TOGARAM1: variants seen among roughly 807,000 people sequenced by gnomAD.
TOGARAM1 encodes TOG array regulator of axonemal microtubules 1.
A neutral mutation model predicts 166.6 loss-of-function variants in TOGARAM1; 100 were observed. The observed-to-expected ratio is 0.60, with a 90% CI of 0.51 to 0.71. The LOEUF is 0.71. Ranked by LOEUF, TOGARAM1 falls within the 30% of genes least tolerant of loss-of-function variation. TOGARAM1 has a pLI of 0.00. For missense variants in TOGARAM1, 2,029 were observed against 2,102.7 expected (o/e 0.96, Z 0.69); for synonymous variants, 758 against 763.8 (o/e 0.99, Z 0.13).
At position 44,963,978 on chromosome 14, in the gene TOGARAM1, T is replaced by C; in HGVS notation, c.1557T>C (p.Leu519=). The C allele has an allele frequency of 6.2e-7, 1 of 1,614,174 alleles. No individual in the cohort carries two copies. The highest frequency in any genetic ancestry group is 8.5e-7 in the Non-Finnish European group (1 of 1,180,032). Residue 519 remains leucine (L), a synonymous_variant, in exon 1 of 20, where the codon CTT becomes CTC. Coordinates refer to ENST00000361462, the MANE Select transcript of TOGARAM1 (RefSeq NM_001308120.2). ...PKLSFDLAPA[L]VDSKRRVRQA... is the part of the protein sequence containing the mutation. ...TGTCCTTTGATCTTGCCCCAGCTCTTGTAGATAGCAAACGCAGGGTACGCC... is the reference window on the plus strand; with the variant it reads ...TGTCCTTTGATCTTGCCCCAGCTCTCGTAGATAGCAAACGCAGGGTACGCC...
At chr14:45,010,159 G>A (rs1026198939) in intron 6 of TOGARAM1, among the ~76,000 whole-genome samples, 1 of 151,482 alleles carries the variant, frequency 6.6e-6, no homozygotes, top group Non-Finnish European at 1.5e-5. Flanking sequence ...CATAATCAAA[G>A]GAGAGGTAGT....
At chr14:45,018,700 A>AGT (rs1233930094) in intron 7 of TOGARAM1, among the ~76,000 whole-genome samples, 1 of 152,236 alleles carries the variant, frequency 6.6e-6, no homozygotes, top group African/African-American at 2.4e-5. Context: ...AATATAGTTT[A>AGT]GTACTGTTCT....
At chr14:44,969,754 T>G (rs992010096) in intron 1 of TOGARAM1, among the ~76,000 whole-genome samples, 5 of 151,990 alleles carry the variant, frequency 3.3e-5, no homozygotes, top group Non-Finnish European at 1.5e-5. Context: ...CTAGATTCAT[T>G]TTTTTTTACA....
rs192672712 is a variant in TOGARAM1 at position 44,972,910 on chromosome 14, G to T, written c.2046+8443G>T. ...TTGTTCAACATCATTTTGCTATAAT[G>T]TTGATGAGGAAAAAAATTGGTTTTG... On this transcript the variant is annotated intron_variant, in intron 1 of 19. Transcript: ENST00000361462. 5.6e-3 allele frequency among the ~76,000 whole-genome samples: 846 copies of T among 152,196 alleles called. 7 individuals are homozygous for T. Among genetic ancestry groups the T allele is most frequent in the African/African-American group, 0.019 (809 of 41,550 alleles).
At chr14:45,061,746 A>G (rs1296083243) in intron 16 of TOGARAM1, among the ~76,000 whole-genome samples, 2 of 152,096 alleles carry the variant, frequency 1.3e-5, no homozygotes, top group Non-Finnish European at 2.9e-5. Flanking sequence ...TATTTTTAAT[A>G]TATTACTGGG....
At chr14:44,972,447 T>C (rs947892378) in intron 1 of TOGARAM1, among the ~76,000 whole-genome samples, 4 of 152,180 alleles carry the variant, frequency 2.6e-5, no homozygotes, top group Non-Finnish European at 4.4e-5. Flanking sequence ...CTGCTGGATC[T>C]GTCCATTTCT....
intron 12 of TOGARAM1, 92 bp from the exon 13 acceptor site, chr14:45,044,540 CAAA>C: frequency 1.5e-6 from 1 of 666,052 alleles, no homozygotes; most frequent in Non-Finnish European, 2.3e-6. Flanking sequence ...GACCCTAACT[CAAA>C]AAAAAAAACA....
intron 1 of TOGARAM1, among the ~76,000 whole-genome samples, chr14:44,972,062 C>T (rs1353483198): frequency 6.6e-6 from 1 of 152,044 alleles, no homozygotes; most frequent in Non-Finnish European, 1.5e-5. Flanking sequence ...AACCAGATCT[C>T]TTGATAACTC....
rs1340181938 is a variant in TOGARAM1 at position 45,066,703 on chromosome 14, G to T, written c.4685G>T (p.Gly1562Val). 2 of 1,613,532 alleles carry T rather than the reference G, an allele frequency of 1.2e-6. No individual in the cohort carries two copies. The highest frequency in any genetic ancestry group is 1.7e-6 in the Non-Finnish European group (2 of 1,179,706). ...AAAGACTTTCGTGATCGTATTAATG[G>T]GATTAAGCAGCTTTTATCAGATACA... The part of the protein sequence containing the change: ...NAKDFRDRIN[G>V]IKQLLSDTEN... The change falls in exon 17 of 20, where the codon GGG (glycine) becomes GTG (valine). Residue 1562 changes from glycine (G) to valine (V), a missense_variant. Around this residue, in one of 2 missense-constraint regions of TOGARAM1, gnomAD observed 576 missense variants for 670.5 expected, o/e 0.86. Transcript: ENST00000361462.
chr14:45,019,183 T>C (rs1880338991), intron 7 of TOGARAM1, among the ~76,000 whole-genome samples: 2 of 152,186 alleles, frequency 1.3e-5, no homozygotes, highest in African/African-American at 4.8e-5. Context: ...TTTTGTCTCT[T>C]TACCTTCCAA....
intron 1 of TOGARAM1, among the ~76,000 whole-genome samples, chr14:44,976,968 T>G (rs1886230105): frequency 6.6e-6 from 1 of 152,158 alleles, no homozygotes; most frequent in Non-Finnish European, 1.5e-5. Context: ...CAGAAAGCAA[T>G]AATTTTGCTC....
intron 15 of TOGARAM1, 40 bp from the exon 16 acceptor site, chr14:45,054,391 T>C (rs756863793): frequency 1.5e-6 from 2 of 1,305,132 alleles, no homozygotes; most frequent in Non-Finnish European, 2.1e-6. Flanking sequence ...CACTACTAGT[T>C]TTAAAATTTG....
intron 18 of TOGARAM1, among the ~76,000 whole-genome samples, chr14:45,070,190 G>GA (rs760002779): frequency 1.2e-3 from 177 of 151,460 alleles, no homozygotes; most frequent in Non-Finnish European, 1.8e-3. Context: ...TCAAAAAAAA[G>GA]AAAAAAAAGA....
chr14:45,066,437 G>A, intron 16 of TOGARAM1, 141 bp from the exon 17 acceptor site: 1 of 612,134 alleles, frequency 1.6e-6, no homozygotes. Flanking sequence ...GAGAGATACT[G>A]TGGCTATGGG....
At chr14:44,986,372 C>G (rs1886794371) in intron 1 of TOGARAM1, among the ~76,000 whole-genome samples, 1 of 152,150 alleles carries the variant, frequency 6.6e-6, no homozygotes, top group Non-Finnish European at 1.5e-5. Flanking sequence ...TCACTACAAC[C>G]TCAAACTCCT....
chr14:45,026,464 T>C (rs1880846746), intron 8 of TOGARAM1, among the ~76,000 whole-genome samples: 1 of 152,206 alleles, frequency 6.6e-6, no homozygotes, highest in Admixed American at 6.5e-5. Context: ...ATAGTCTCAT[T>C]AGGTTATTTT....
At chr14:45,059,744 A>G (rs575302941) in intron 16 of TOGARAM1, among the ~76,000 whole-genome samples, 1 of 152,312 alleles carries the variant, frequency 6.6e-6, no homozygotes, top group East Asian at 1.9e-4. Flanking sequence ...ATACATAGGT[A>G]TCTCTCATAT....
At position 44,998,235 on chromosome 14, in the gene TOGARAM1, C is replaced by A. The variant is rs73352208; in HGVS notation, c.2204-1128C>A. 5.3e-3 allele frequency among the ~76,000 whole-genome samples: 807 copies of A among 152,246 alleles called. 9 individuals are homozygous for A. The highest frequency in any genetic ancestry group is 0.017 in the African/African-American group (708 of 41,544). ...GCAGTTTTGATTTTGATTTTGATTT[C>A]TCTGTACCATTGAGGAGCTCATTTC... On this transcript the variant is annotated intron_variant, in intron 2 of 19. Coordinates refer to ENST00000361462, the MANE Select transcript of TOGARAM1 (RefSeq NM_001308120.2).
At chr14:44,990,567 A>T (rs1300379181) in intron 1 of TOGARAM1, among the ~76,000 whole-genome samples, 1 of 152,226 alleles carries the variant, frequency 6.6e-6, no homozygotes, top group Non-Finnish European at 1.5e-5. Context: ...GTTATTTCAC[A>T]CACTAGTTAT....
Sources: allele counts gnomAD v4.1 joint callset (sites outside exome capture counted in the v4.1 genomes callset), GRCh38; gene constraint gnomAD v4.1.1; regional missense constraint gnomAD v4.1.1; transcripts MANE v1.5; gene names NCBI Gene and HGNC (gene_info 2026-07-23, HGNC 2026-07-21).